The following CAMSAP2 variants were observed in gnomAD, a reference collection of about 807,000 sequenced individuals.
CAMSAP2 encodes the protein calmodulin regulated spectrin associated protein family member 2.
CAMSAP2 carries 26 observed loss-of-function variants against 146.1 expected under a neutral mutation model. That is an observed-to-expected ratio of 0.18 (90% CI 0.13 to 0.25). The LOEUF (loss-of-function observed/expected upper bound fraction) is 0.25. CAMSAP2 is among the 10% of genes least tolerant of loss of function. CAMSAP2 has a pLI of 1.00. For synonymous variants in CAMSAP2, 499 were observed against 596.6 expected (o/e 0.84, Z 2.38); for missense variants, 1,381 against 1,759.3 (o/e 0.78, Z 3.85).
chr1:200,764,165 A>C lies in CAMSAP2; in HGVS notation c.399+3067A>C, dbSNP rs545067436. On this transcript the variant is annotated intron_variant, in intron 2 of 16. Transcript: ENST00000358823. The stretch of plus-strand genomic sequence containing the variant: ...TTCCTGCTTTTTGGGAAGTATCATG[A>C]AAAATAGTGTGTTTAATTGCACTGA... Among the ~76,000 whole-genome samples, 8 of 152,344 alleles carry C rather than the reference A, an allele frequency of 5.3e-5. No homozygotes were observed. In the South Asian group the frequency reaches 1.7e-3, roughly 32 times the overall value.
At position 200,817,575 on chromosome 1, in the gene CAMSAP2, G is replaced by C. The variant is rs1204692800; in HGVS notation, c.645+1931G>C. 2.0e-5 allele frequency among the ~76,000 whole-genome samples: 3 copies of C among 152,076 alleles called. 1 individual carries two copies. The highest frequency in any genetic ancestry group is 4.1e-4 in the South Asian group (2 of 4,828). On this transcript the variant is annotated intron_variant, in intron 4 of 16. Coordinates refer to ENST00000358823, the MANE Select transcript of CAMSAP2 (RefSeq NM_203459.4). ...AACTTTAATCTCCATTTGGTTTAAA[G>C]TTTCTTCATTATTACACAGTACTTC...
At chr1:200,796,344 G>A (rs1344409224) in intron 2 of CAMSAP2, among the ~76,000 whole-genome samples, 3 of 152,172 alleles carry the variant, frequency 2.0e-5, no homozygotes, top group Admixed American at 6.5e-5. Context: ...TTTTATACCA[G>A]TACCGTATTG....
At chr1:200,749,902 A>G (rs2102990418) in intron 1 of CAMSAP2, among the ~76,000 whole-genome samples, 1 of 152,282 alleles carries the variant, frequency 6.6e-6, no homozygotes, top group South Asian at 2.1e-4. Context: ...GAGAATGTGA[A>G]AAGGCTCCGG....
intron 11 of CAMSAP2, 131 bp downstream of exon 11, chr1:200,850,365 T>A: frequency 1.4e-6 from 1 of 709,966 alleles, no homozygotes; most frequent in Non-Finnish European, 2.3e-6. Flanking sequence ...TCATCCCCAT[T>A]AACTATAGTA....
chr1:200,809,812 A>G (rs75544862), intron 3 of CAMSAP2, among the ~76,000 whole-genome samples: 110 of 152,322 alleles, frequency 7.2e-4, no homozygotes, highest in African/African-American at 2.5e-3. Flanking sequence ...TCTTATAGCT[A>G]TGGAGGCTAA....
intron 2 of CAMSAP2, among the ~76,000 whole-genome samples, 181 bp downstream of exon 2, chr1:200,761,279 T>C (rs1664793770): frequency 6.6e-6 from 1 of 152,236 alleles, no homozygotes; most frequent in Admixed American, 6.5e-5. Flanking sequence ...GATTTTGGAA[T>C]GTTTGGTGCC....
Position 200,832,650 on chromosome 1 carries a change from A to G in CAMSAP2, c.788-56A>G. ...TGTACTAATTACAAGATGGATATGAAATATTTATTATCAAATTAATCCAAA... is the reference window on the plus strand; with the variant it reads ...TGTACTAATTACAAGATGGATATGAGATATTTATTATCAAATTAATCCAAA... On this transcript the variant is annotated intron_variant, in intron 5 of 16. Coordinates refer to ENST00000358823, the MANE Select transcript of CAMSAP2 (RefSeq NM_203459.4). This position sits in a 1 kb window ranked among gnomAD's most constrained non-coding sequence, Gnocchi z 4.2. The G allele has an allele frequency of 7.1e-7, 1 of 1,402,938 alleles. No individual in the cohort carries two copies. The highest frequency in any genetic ancestry group is 9.7e-7 in the Non-Finnish European group (1 of 1,035,116). The allele number at this position is 1,402,938 out of a possible 1,614,324, so 86.9% of individuals were successfully genotyped here. A position where few individuals can be genotyped will look rare whatever the true frequency, so the allele number is the denominator to read the frequency against.
chr1:200,783,200 A>G lies in CAMSAP2; in HGVS notation c.399+22102A>G, dbSNP rs536130225. Among the ~76,000 whole-genome samples the G allele has an allele frequency of 7.8e-4, 118 of 151,900 alleles. 1 individual carries two copies. The highest frequency in any genetic ancestry group is 1.4e-3 in the Non-Finnish European group (93 of 67,934). On this transcript the variant is annotated intron_variant, in intron 2 of 16. Coordinates refer to ENST00000358823, the MANE Select transcript of CAMSAP2 (RefSeq NM_203459.4). The stretch of plus-strand genomic sequence containing the variant: ...CCAGTTGCTCCACTTCTTTGCCAAT[A>G]CTTTTGGTATTGTCAGTCTTAATTG...
intron 2 of CAMSAP2, among the ~76,000 whole-genome samples, chr1:200,778,161 C>T (rs976418976): frequency 1.3e-5 from 2 of 152,108 alleles, no homozygotes; most frequent in African/African-American, 4.8e-5. Context: ...TAATTGTCAT[C>T]GTATTCCCAG....
chr1:200,753,595 AAAAC>A (rs1664569379), intron 1 of CAMSAP2, among the ~76,000 whole-genome samples: 1 of 152,150 alleles, frequency 6.6e-6, no homozygotes, highest in Admixed American at 6.6e-5. Flanking sequence ...CAGTAGGAAA[AAAAC>A]AAATTACACA....
At chr1:200,850,992 G>A (rs926834348) in intron 11 of CAMSAP2, among the ~76,000 whole-genome samples, 1 of 152,006 alleles carries the variant, frequency 6.6e-6, no homozygotes, top group Non-Finnish European at 1.5e-5. Flanking sequence ...ATTTTGTATT[G>A]TTCTTTAAGA....
Position 200,739,672 on chromosome 1 carries a change from C to A in CAMSAP2, c.-156C>A. On this transcript the variant is annotated 5_prime_UTR_variant, in exon 1 of 17. Coordinates refer to ENST00000358823, the MANE Select transcript of CAMSAP2 (RefSeq NM_203459.4). The surrounding 1 kb of genome is among the most constrained non-coding windows in gnomAD (Gnocchi z 4.8). ...CGCGGGAGGCGGCAGGCGCGCGGCG[C>A]GGACAGCTGAGCTTCTCCTCCGTCG... 1 of 571,238 alleles carries A rather than the reference C, an allele frequency of 1.8e-6. No homozygotes were observed. Among genetic ancestry groups the A allele is most frequent in the Non-Finnish European group, 2.6e-6 (1 of 387,168 alleles). The allele number at this position is 571,238 out of a possible 1,614,324, so 35.4% of individuals were successfully genotyped here. A position where few individuals can be genotyped will look rare whatever the true frequency, so the allele number is the denominator to read the frequency against.
intron 3 of CAMSAP2, among the ~76,000 whole-genome samples, chr1:200,813,553 C>T (rs758837674): frequency 7.9e-5 from 12 of 152,168 alleles, no homozygotes; most frequent in Non-Finnish European, 1.8e-4. Flanking sequence ...GTATACCTAG[C>T]CTCTTAATAC....
intron 1 of CAMSAP2, among the ~76,000 whole-genome samples, chr1:200,744,191 G>A (rs1330432175): frequency 6.6e-6 from 1 of 152,200 alleles, no homozygotes; most frequent in Non-Finnish European, 1.5e-5. Context: ...ACTTCAGCCT[G>A]TACTTGTAAC....
At position 200,739,619 on chromosome 1, in the gene CAMSAP2, G is replaced by GAGCGGC; in HGVS notation, c.-208_-203dup. 1 of 298,012 alleles carries GAGCGGC rather than the reference G, an allele frequency of 3.4e-6. No homozygotes were observed. Among genetic ancestry groups the GAGCGGC allele is most frequent in the Non-Finnish European group, 5.7e-6 (1 of 176,874 alleles). The allele number at this position is 298,012 out of a possible 1,614,324, so 18.5% of individuals were successfully genotyped here. A position where few individuals can be genotyped will look rare whatever the true frequency, so the allele number is the denominator to read the frequency against. On this transcript the variant is annotated 5_prime_UTR_variant, in exon 1 of 17. Coordinates refer to ENST00000358823, the MANE Select transcript of CAMSAP2 (RefSeq NM_203459.4). The surrounding 1 kb of genome is among the most constrained non-coding windows in gnomAD (Gnocchi z 4.8). ...GGCGCCGCCACATTCCTATGCCCGG[G>GAGCGGC]AGCGGCGGCGGCGGCGGCGGCGGCT...
At chr1:200,816,605 AATAT>A (rs1185236373) in intron 4 of CAMSAP2, among the ~76,000 whole-genome samples, 44 of 111,226 alleles carry the variant, frequency 4.0e-4, no homozygotes, top group South Asian at 1.9e-3. Flanking sequence ...AAAAAAAAAA[AATAT>A]ATATATATAT....
At chr1:200,846,946 A>T (rs1327286652) in intron 8 of CAMSAP2, among the ~76,000 whole-genome samples, 3 of 152,222 alleles carry the variant, frequency 2.0e-5, no homozygotes, top group African/African-American at 7.2e-5. Context: ...TTTTATGTTT[A>T]TAAAAATGAA....
intron 1 of CAMSAP2, among the ~76,000 whole-genome samples, chr1:200,740,799 T>C (rs1664147990): frequency 6.6e-6 from 1 of 152,220 alleles, no homozygotes; most frequent in African/African-American, 2.4e-5. Flanking sequence ...CCGTTATGAT[T>C]CTTTAGTGTT....
chr1:200,819,481 C>T (rs1373091475), intron 4 of CAMSAP2, among the ~76,000 whole-genome samples: 1 of 152,162 alleles, frequency 6.6e-6, no homozygotes, highest in Non-Finnish European at 1.5e-5. Context: ...GCCAAGATGA[C>T]ATTAAGTCCA....
Sources: allele counts gnomAD v4.1 joint callset (sites outside exome capture counted in the v4.1 genomes callset), GRCh38; gene constraint gnomAD v4.1.1; non-coding constraint Gnocchi (gnomAD v3.1); transcripts MANE v1.5; gene names NCBI Gene and HGNC (gene_info 2026-07-23, HGNC 2026-07-21).